Variants in NFIB observed in about 807,000 individuals in gnomAD.
NFIB encodes the protein nuclear factor I B.
In NFIB, 11 loss-of-function variants were observed where a neutral mutation model predicts 61.5. The ratio of observed to expected loss-of-function variants is 0.18; its 90% CI spans 0.11 to 0.30. NFIB has a LOEUF of 0.30. Ranked by LOEUF, NFIB falls within the 10% of genes least tolerant of loss-of-function variation. The probability of loss-of-function intolerance (pLI) is 1.00; values close to 1 mark genes in which losing one functional copy is unlikely to be tolerated. For synonymous variants in NFIB, 260 were observed against 216.5 expected, an observed-to-expected ratio of 1.20 and a Z score of -1.76; for missense variants, 471 against 608.9, an observed-to-expected ratio of 0.77 and a Z score of 2.38.
chr9:14,316,052 C>G (rs915908968), upstream of NFIB, among the ~76,000 whole-genome samples: 1 of 152,186 alleles, frequency 6.6e-6, no homozygotes, highest in Non-Finnish European at 1.5e-5. Flanking sequence ...CTCACTCCCT[C>G]TGGTTTCTGT....
At chr9:14,436,552 C>T in the NFIB span, among the ~76,000 whole-genome samples, 1 of 152,204 alleles carries the variant, frequency 6.6e-6, no homozygotes, top group Non-Finnish European at 1.5e-5. Flanking sequence ...CCAAATTTCT[C>T]CTGCACATTC....
chr9:14,481,197 G>GTGTGTATATATA, the NFIB span, among the ~76,000 whole-genome samples: 53 of 45,810 alleles, frequency 1.2e-3, no homozygotes, highest in African/African-American at 4.4e-3. Context: ...GTGTGTGTGT[G>GTGTGTATATATA]TATATATATA....
chr9:14,288,614 T>C (rs1475705365), intron 2 of NFIB, among the ~76,000 whole-genome samples: 1 of 152,096 alleles, frequency 6.6e-6, no homozygotes, highest in African/African-American at 2.4e-5. Context: ...TCCGTGACCT[T>C]TCCATTGCAG....
At chr9:14,442,494 G>A in the NFIB span, among the ~76,000 whole-genome samples, 5 of 152,136 alleles carry the variant, frequency 3.3e-5, no homozygotes, top group South Asian at 2.1e-4. Flanking sequence ...TTCAACAGCA[G>A]AGACCGATCG....
At position 14,083,045 on chromosome 9, in the gene NFIB, T is replaced by C. The variant is rs975796284; in HGVS notation, c.*5264A>G. On this transcript the variant is annotated 3_prime_UTR_variant, in exon 11 of 11. Coordinates refer to ENST00000380953, the MANE Select transcript of NFIB (RefSeq NM_001190737.2). ...TTCACAATCTCAACATACATTTGAA[T>C]TGCAACACACAGATATTTCTAGAGT... 1 of 208,538 alleles carries C rather than the reference T, an allele frequency of 4.8e-6. No individual in the cohort carries two copies. The highest frequency in any genetic ancestry group is 9.7e-6 in the Non-Finnish European group (1 of 102,768). The allele number at this position is 208,538 out of a possible 1,614,324, so 12.9% of individuals were successfully genotyped here.
the NFIB span, among the ~76,000 whole-genome samples, chr9:14,527,774 G>A: frequency 6.6e-6 from 1 of 152,132 alleles, no homozygotes; most frequent in Admixed American, 6.5e-5. Context: ...TATATGTATG[G>A]TATGGTATCT....
At chr9:14,344,108 AAGAGAGAG>A (rs149708104) in intron 1 of NFIB, among the ~76,000 whole-genome samples, 14 of 141,538 alleles carry the variant, frequency 9.9e-5, no homozygotes, top group South Asian at 2.4e-4. Context: ...GAGAGAGAGA[AAGAGAGAG>A]AGAGAGAGAG....
At chr9:14,322,371 G>C (rs1357569188) in intron 1 of NFIB, 1 of 240,006 alleles carries the variant, frequency 4.2e-6, no homozygotes, top group Non-Finnish European at 8.1e-6. Flanking sequence ...TTGTTTTAGC[G>C]GGGCTGCTCC....
the NFIB span, among the ~76,000 whole-genome samples, chr9:14,495,263 C>A: frequency 6.6e-6 from 1 of 152,002 alleles, no homozygotes; most frequent in Admixed American, 6.6e-5. Context: ...CAGAGCAGAT[C>A]TCCCACACCC....
At chr9:14,396,916 C>A (rs550085455) in intron 1 of NFIB, among the ~76,000 whole-genome samples, 1 of 152,120 alleles carries the variant, frequency 6.6e-6, no homozygotes, top group African/African-American at 2.4e-5. Flanking sequence ...TGTGGGGATG[C>A]AGATGGATTT....
intron 2 of NFIB, among the ~76,000 whole-genome samples, chr9:14,292,661 A>T (rs1226368170): frequency 6.6e-6 from 1 of 152,198 alleles, no homozygotes; most frequent in East Asian, 1.9e-4. Context: ...ACCTGCAAAC[A>T]GTAGGACCAG....
At chr9:14,420,108 G>A in the NFIB span, among the ~76,000 whole-genome samples, 1 of 152,074 alleles carries the variant, frequency 6.6e-6, no homozygotes, top group South Asian at 2.1e-4. Flanking sequence ...CCAAACTCAT[G>A]TGAACTCTGG....
chr9:14,517,977 C>G, the NFIB span, among the ~76,000 whole-genome samples: 1 of 152,186 alleles, frequency 6.6e-6, no homozygotes, highest in African/African-American at 2.4e-5. Flanking sequence ...CAACAAAAGA[C>G]TTATTGCATT....
chr9:14,306,213 G>A (rs890730525), intron 2 of NFIB, among the ~76,000 whole-genome samples: 6 of 152,016 alleles, frequency 3.9e-5, no homozygotes, highest in African/African-American at 1.4e-4. Context: ...AGTGTAACCA[G>A]TCCACTTTCT....
chr9:14,401,359 T>C (rs79129237), upstream of NFIB, among the ~76,000 whole-genome samples: 14,962 of 152,186 alleles, frequency 0.098, 813 homozygotes, highest in East Asian at 0.13. Flanking sequence ...GTTTGTGAAA[T>C]TTTGTCCTCG....
At chr9:14,466,961 C>T in the NFIB span, among the ~76,000 whole-genome samples, 1 of 152,134 alleles carries the variant, frequency 6.6e-6, no homozygotes, top group Non-Finnish European at 1.5e-5. Flanking sequence ...CCCAAAGATT[C>T]ACCATTCCAG....
chr9:14,218,098 T>C (rs2051167213), intron 2 of NFIB, among the ~76,000 whole-genome samples: 1 of 152,124 alleles, frequency 6.6e-6, no homozygotes, highest in Non-Finnish European at 1.5e-5. Context: ...CAGTGGTTGC[T>C]TTGCCTAGCA....
chr9:14,519,237 T>C, the NFIB span, among the ~76,000 whole-genome samples: 4 of 152,146 alleles, frequency 2.6e-5, no homozygotes, highest in African/African-American at 7.2e-5. Flanking sequence ...ATGGTATCGG[T>C]GCTTGTATAA....
At chr9:14,109,545 T>C (rs2037044509) in intron 10 of NFIB, among the ~76,000 whole-genome samples, 1 of 152,060 alleles carries the variant, frequency 6.6e-6, no homozygotes, top group Non-Finnish European at 1.5e-5. Context: ...ATAGAAAAGT[T>C]AAAGAAGAAT....
Sources: gnomAD v4.1 joint callset for allele counts (sites outside exome capture counted in the v4.1 genomes callset) on GRCh38, gnomAD v4.1.1 for gene constraint, MANE v1.5 for transcripts, NCBI Gene and HGNC (gene_info 2026-07-23, HGNC 2026-07-21) for gene names.